CRPPA: variants seen among roughly 807,000 people sequenced by gnomAD.
CRPPA encodes CDP-L-ribitol pyrophosphorylase A.
In CRPPA, 43 loss-of-function variants were observed where a neutral mutation model predicts 52.0. That is an observed-to-expected ratio of 0.83 (90% CI 0.65 to 1.07). The LOEUF is 1.07. CRPPA is among the 50% of genes least tolerant of loss of function. The pLI is 0.00. For missense variants in CRPPA, 629 were observed against 551.7 expected (o/e 1.14, Z -1.40); for synonymous variants, 250 against 203.5 (o/e 1.23, Z -1.94).
At chr7:16,393,560 C>A (rs183130348) in intron 2 of CRPPA, among the ~76,000 whole-genome samples, 1 of 152,214 alleles carries the variant, frequency 6.6e-6, no homozygotes. Flanking sequence ...AAATCAACCC[C>A]TACTCAATCT....
chr7:16,141,668 A>G (rs908753468), intron 9 of CRPPA, among the ~76,000 whole-genome samples: 1 of 151,270 alleles, frequency 6.6e-6, no homozygotes. Flanking sequence ...TTGAAACTGC[A>G]TAAGACAAAC....
intron 9 of CRPPA, among the ~76,000 whole-genome samples, chr7:16,176,096 G>A (rs112363597): frequency 6.6e-6 from 1 of 152,094 alleles, no homozygotes; most frequent in African/African-American, 2.4e-5. Context: ...ACACCCTGAA[G>A]ATATTAAGCT....
At chr7:16,135,667 C>A (rs2128374042) in intron 9 of CRPPA, among the ~76,000 whole-genome samples, 1 of 152,276 alleles carries the variant, frequency 6.6e-6, no homozygotes, top group South Asian at 2.1e-4. Context: ...GCAACTTTAT[C>A]TGAAATCAGA....
At chr7:16,399,076 A>T (rs1787711364) in intron 2 of CRPPA, among the ~76,000 whole-genome samples, 1 of 152,226 alleles carries the variant, frequency 6.6e-6, no homozygotes, top group Non-Finnish European at 1.5e-5. Flanking sequence ...CATGACCAAC[A>T]CGTGACTGAC....
chr7:16,115,621 T>G (rs1782354900), intron 9 of CRPPA, among the ~76,000 whole-genome samples: 1 of 152,116 alleles, frequency 6.6e-6, no homozygotes, highest in Admixed American at 6.6e-5. Context: ...AAAAAGAAAT[T>G]TAGGTTTCTT....
At chr7:16,232,036 G>T (rs1782811772) in intron 8 of CRPPA, among the ~76,000 whole-genome samples, 1 of 152,148 alleles carries the variant, frequency 6.6e-6, no homozygotes, top group Non-Finnish European at 1.5e-5. Context: ...GTACCAGAGA[G>T]GAGAGAGCTT....
At chr7:16,359,459 C>A (rs757903549) in intron 3 of CRPPA, among the ~76,000 whole-genome samples, 21 of 152,182 alleles carry the variant, frequency 1.4e-4, no homozygotes, top group Non-Finnish European at 2.9e-4. Flanking sequence ...GTGCATAGCT[C>A]TTGCTATATA....
rs1196919795 is a variant in CRPPA at position 16,421,170 on chromosome 7, C to A, written c.153G>T (p.Leu51Phe). 1.5e-6 allele frequency: 2 copies of A among 1,339,716 alleles called. No homozygotes were observed. The highest frequency in any genetic ancestry group is 2.1e-5 in the South Asian group (1 of 48,596). 83.0% of individuals were successfully genotyped at this position (1,339,716 alleles called of 1,614,324 possible). Residue 51 changes from leucine (L) to phenylalanine (F), a missense_variant, in exon 1 of 10, where the codon TTG becomes TTT. Physicochemically the swap from Leu to Phe is conservative, Grantham distance 22. Coordinates refer to ENST00000407010, the MANE Select transcript of CRPPA (RefSeq NM_001101426.4). ...GRHPQAVAAV[L>F]PAGGCGERMG... is the part of the protein sequence containing the mutation. ...TCCTCTCCCCGCACCCCCCGGCAGG[C>A]AACACAGCTGCCACGGCTTGCGGGT...
chr7:16,214,312 C>A (rs538086311), intron 9 of CRPPA, among the ~76,000 whole-genome samples: 3 of 152,252 alleles, frequency 2.0e-5, no homozygotes, highest in South Asian at 2.1e-4. Context: ...CATACAGACC[C>A]TTTTGCCCTA....
At chr7:16,142,818 C>A (rs1782899016) in intron 9 of CRPPA, among the ~76,000 whole-genome samples, 1 of 152,092 alleles carries the variant, frequency 6.6e-6, no homozygotes, top group South Asian at 2.1e-4. Context: ...ATAAATGGCA[C>A]AAAGAGTAAT....
At chr7:16,201,814 A>G (rs928690418) in intron 9 of CRPPA, among the ~76,000 whole-genome samples, 5 of 152,262 alleles carry the variant, frequency 3.3e-5, no homozygotes, top group African/African-American at 1.2e-4. Context: ...TAATTGTATT[A>G]TTTGCAAATA....
chr7:16,381,054 G>A (rs1296150871), intron 2 of CRPPA, among the ~76,000 whole-genome samples: 2 of 150,670 alleles, frequency 1.3e-5, no homozygotes, highest in Non-Finnish European at 1.5e-5. Context: ...GTTTGCTCTT[G>A]CTTTTCTAGT....
intron 4 of CRPPA, 79 bp downstream of exon 4, chr7:16,308,444 A>C (rs1390306747): frequency 6.5e-6 from 5 of 765,874 alleles, no homozygotes; most frequent in Non-Finnish European, 4.6e-6. Flanking sequence ...TACTCAATGC[A>C]CTACTGGTTT....
At chr7:16,398,168 C>T (rs1433698107) in intron 2 of CRPPA, among the ~76,000 whole-genome samples, 1 of 151,998 alleles carries the variant, frequency 6.6e-6, no homozygotes, top group East Asian at 1.9e-4. Flanking sequence ...ACACAATTGA[C>T]ACATGATCGG....
intron 5 of CRPPA, among the ~76,000 whole-genome samples, chr7:16,293,504 G>C (rs1254322479): frequency 6.6e-6 from 1 of 151,918 alleles, no homozygotes; most frequent in Non-Finnish European, 1.5e-5. Context: ...AGTTTCATCT[G>C]TAAAGGATAC....
At chr7:16,293,858 C>A (rs1784614179) in intron 5 of CRPPA, among the ~76,000 whole-genome samples, 1 of 151,888 alleles carries the variant, frequency 6.6e-6, no homozygotes, top group African/African-American at 2.4e-5. Context: ...AAGTAAGGAC[C>A]AGGCATGTGA....
intron 3 of CRPPA, among the ~76,000 whole-genome samples, chr7:16,372,382 G>T (rs924173053): frequency 6.6e-6 from 1 of 152,090 alleles, no homozygotes; most frequent in Admixed American, 6.6e-5. Flanking sequence ...AGAGGGATTG[G>T]GGTCCTATCT....
At chr7:16,337,479 T>G in intron 3 of CRPPA, among the ~76,000 whole-genome samples, 1 of 152,064 alleles carries the variant, frequency 6.6e-6, no homozygotes, top group Non-Finnish European at 1.5e-5. Context: ...AGTGGCAAAT[T>G]TATAGCATTA....
intron 3 of CRPPA, among the ~76,000 whole-genome samples, chr7:16,370,239 T>C (rs1465991920): frequency 6.6e-6 from 1 of 152,178 alleles, no homozygotes; most frequent in Non-Finnish European, 1.5e-5. Flanking sequence ...AAGGGTAAGC[T>C]GGAAGTGTGC....
Sources: gnomAD v4.1 joint callset for allele counts (sites outside exome capture counted in the v4.1 genomes callset) on GRCh38, gnomAD v4.1.1 for gene constraint, MANE v1.5 for transcripts, NCBI Gene and HGNC (gene_info 2026-07-23, HGNC 2026-07-21) for gene names.